The following FBXL4 variants were observed in gnomAD, a reference collection of about 807,000 sequenced individuals.
FBXL4 encodes the protein F-box/LRR-repeat protein 4.
Under a neutral mutation model 58.9 loss-of-function variants are expected in FBXL4, and 40 were observed. The ratio of observed to expected loss-of-function variants is 0.68; its 90% CI spans 0.53 to 0.88. FBXL4 has a LOEUF of 0.88. Ranked by LOEUF, FBXL4 falls within the 40% of genes least tolerant of loss-of-function variation. The pLI, the probability that FBXL4 is intolerant of heterozygous loss-of-function variation, is 0.00. For synonymous variants in FBXL4, 263 were observed against 265.5 expected, an observed-to-expected ratio of 0.99 and a Z score of 0.09; for missense variants, 676 against 734.4, an observed-to-expected ratio of 0.92 and a Z score of 0.92.
At chr6:98,897,032 G>C (rs978627506) in intron 7 of FBXL4, 56 of 984,424 alleles carry the variant, frequency 5.7e-5, no homozygotes, top group Non-Finnish European at 6.4e-5. Context: ...AGCCACAATA[G>C]ATATAAGATG....
At chr6:98,893,220 T>C (rs1433948910) in intron 7 of FBXL4, among the ~76,000 whole-genome samples, 1 of 152,220 alleles carries the variant, frequency 6.6e-6, no homozygotes, top group Non-Finnish European at 1.5e-5. Flanking sequence ...ACTTTTCTTA[T>C]GCTATCCTAT....
chr6:98,895,442 G>C (rs1281191991), intron 7 of FBXL4, among the ~76,000 whole-genome samples: 1 of 152,126 alleles, frequency 6.6e-6, no homozygotes, highest in African/African-American at 2.4e-5. Context: ...CTACAAATTA[G>C]AAATAGTAAG....
At chr6:98,883,334 A>T (rs1175046407) in intron 7 of FBXL4, among the ~76,000 whole-genome samples, 2 of 151,884 alleles carry the variant, frequency 1.3e-5, no homozygotes, top group African/African-American at 4.8e-5. Context: ...AATCTTTGTC[A>T]GTTATATCAG....
intron 7 of FBXL4, chr6:98,897,352 C>G (rs903410410): frequency 1.0e-5 from 10 of 984,832 alleles, no homozygotes; most frequent in Non-Finnish European, 1.2e-5. Context: ...AATGAAAACA[C>G]AGGCTAATAT....
intron 4 of FBXL4, among the ~76,000 whole-genome samples, chr6:98,918,708 T>C (rs911162674): frequency 6.6e-6 from 1 of 152,100 alleles, no homozygotes; most frequent in Non-Finnish European, 1.5e-5. Context: ...ATTATTTACT[T>C]TTGCTAGTAA....
At chr6:98,875,044 T>C (rs912913821) in intron 9 of FBXL4, among the ~76,000 whole-genome samples, 2 of 152,302 alleles carry the variant, frequency 1.3e-5, no homozygotes, top group South Asian at 4.1e-4. Flanking sequence ...AGAATTTTAA[T>C]TAAGAAACTT....
chr6:98,935,506 T>C (rs1430850550), intron 1 of FBXL4, among the ~76,000 whole-genome samples: 2 of 152,258 alleles, frequency 1.3e-5, no homozygotes, highest in African/African-American at 4.8e-5. Flanking sequence ...ATAAGCCATC[T>C]GGGCCGGGCG....
rs747431408 is a variant in FBXL4 at position 98,875,609 on chromosome 6, C to A, written c.1508G>T (p.Gly503Val). 2 of 1,614,080 alleles carry A rather than the reference C, an allele frequency of 1.2e-6. No individual in the cohort carries two copies. Among genetic ancestry groups the A allele is most frequent in the East Asian group, 2.2e-5 (1 of 44,876 alleles). Residue 503 changes from glycine (G) to valine (V), a missense_variant, in exon 9 of 10, where the codon GGG (glycine) becomes GTG (valine). Transcript: ENST00000369244. ...TENGIAELAS[G>V]CPLLEELDLG... Reference sequence around the variant, plus strand: ...GTCAAGCTCCTCCAGTAGTGGACACCCAGAAGCCAGTTCTGCTATTCCATT... The same window carrying A: ...GTCAAGCTCCTCCAGTAGTGGACACACAGAAGCCAGTTCTGCTATTCCATT...
intron 2 of FBXL4, among the ~76,000 whole-genome samples, chr6:98,928,807 C>T (rs1336389923): frequency 6.6e-6 from 1 of 152,198 alleles, no homozygotes; most frequent in African/African-American, 2.4e-5. Flanking sequence ...TCAAGCTGGA[C>T]CAATCTCTTC....
intron 1 of FBXL4, among the ~76,000 whole-genome samples, chr6:98,940,179 T>G (rs1048854881): frequency 6.6e-6 from 1 of 152,250 alleles, no homozygotes; most frequent in Non-Finnish European, 1.5e-5. Flanking sequence ...TTTTATTTAT[T>G]TGTGAAATAC....
intron 7 of FBXL4, among the ~76,000 whole-genome samples, chr6:98,885,482 T>C (rs913326701): frequency 2.6e-5 from 4 of 152,076 alleles, no homozygotes; most frequent in African/African-American, 9.7e-5. Context: ...TTGCCCTACC[T>C]AATGTGGGTG....
chr6:98,938,032 C>T (rs1257420841), intron 1 of FBXL4, among the ~76,000 whole-genome samples: 1 of 142,148 alleles, frequency 7.0e-6, no homozygotes, highest in African/African-American at 2.7e-5. Flanking sequence ...ATCCTCCTCC[C>T]CCTGCACCCT....
At chr6:98,915,165 A>C (rs1390574092) in intron 5 of FBXL4, among the ~76,000 whole-genome samples, 1 of 152,060 alleles carries the variant, frequency 6.6e-6, no homozygotes, top group Non-Finnish European at 1.5e-5. Flanking sequence ...CAAGGAAATA[A>C]AAGAGGATAC....
In FBXL4 at chr6:98,905,442, C is replaced by A. The variant is rs759753713; in HGVS notation, c.1087G>T (p.Val363Phe). Residue 363 changes from valine (V) to phenylalanine (F), a missense_variant, in exon 6 of 10, where the codon GTT (valine) becomes TTT (phenylalanine). Coordinates refer to ENST00000369244, the MANE Select transcript of FBXL4 (RefSeq NM_001278716.2). ...TGTACTAACCTGCTAAATCCTGCAA[C>A]AGAGATGAAGCCTCTATTGCCAGTC... ...SWTGNRGFISVAGFSRFLKVC... is the reference protein window; with the variant it reads ...SWTGNRGFISFAGFSRFLKVC... The A allele has an allele frequency of 1.9e-6, 3 of 1,613,970 alleles. No individual in the cohort carries two copies. In the Admixed American group the frequency reaches 5.0e-5, roughly 27 times the overall value.
intron 7 of FBXL4, among the ~76,000 whole-genome samples, chr6:98,886,637 C>T (rs543928222): frequency 5.3e-5 from 8 of 152,310 alleles, no homozygotes; most frequent in African/African-American, 1.7e-4. Flanking sequence ...GGGTCTTGCA[C>T]ATTGCTCCCT....
chr6:98,880,656 T>A (rs780970355), intron 7 of FBXL4, 32 bp from the exon 8 acceptor site: 8 of 1,581,662 alleles, frequency 5.1e-6, no homozygotes, highest in Non-Finnish European at 6.9e-6. Flanking sequence ...GAGGCAAATA[T>A]GGAAAGTGAA....
intron 5 of FBXL4, among the ~76,000 whole-genome samples, chr6:98,913,727 T>C (rs1209549685): frequency 1.1e-4 from 16 of 152,050 alleles, no homozygotes; most frequent in Admixed American, 9.8e-4. Flanking sequence ...AGATCTAAAA[T>C]TGACACCCTA....
chr6:98,899,774 C>G (rs1210853294), intron 6 of FBXL4, among the ~76,000 whole-genome samples: 2 of 151,920 alleles, frequency 1.3e-5, no homozygotes, highest in Non-Finnish European at 2.9e-5. Flanking sequence ...ACCTATAATT[C>G]ACATCTGAGT....
chr6:98,890,562 T>C (rs1016019697), intron 7 of FBXL4, among the ~76,000 whole-genome samples: 2 of 152,218 alleles, frequency 1.3e-5, no homozygotes, highest in African/African-American at 4.8e-5. Flanking sequence ...AATCTTTCTC[T>C]AATTAAATTT....
Sources: gnomAD v4.1 joint callset for allele counts (sites outside exome capture counted in the v4.1 genomes callset) on GRCh38, gnomAD v4.1.1 for gene constraint, MANE v1.5 for transcripts, NCBI Gene and HGNC (gene_info 2026-07-23, HGNC 2026-07-21) for gene names.